Variants in BRCA1 observed in about 807,000 individuals in gnomAD.
BRCA1 encodes the protein breast cancer type 1 susceptibility protein.
A neutral mutation model predicts 173.7 loss-of-function variants in BRCA1; 140 were observed. That is an observed-to-expected ratio of 0.81 (90% CI 0.70 to 0.93). The LOEUF is 0.93. BRCA1 is among the 40% of genes least tolerant of loss of function. The probability of loss-of-function intolerance (pLI) is 0.00; values close to 1 mark genes in which losing one functional copy is unlikely to be tolerated. For missense variants in BRCA1, 1,983 were observed against 2,172.5 expected (o/e 0.91, Z 1.73); for synonymous variants, 662 against 756.0 (o/e 0.88, Z 2.04).
At chr17:43,123,421 G>GC (rs2055682642) in intron 2 of BRCA1, among the ~76,000 whole-genome samples, 2 of 144,678 alleles carry the variant, frequency 1.4e-5, no homozygotes, top group African/African-American at 5.3e-5. Context: ...TGCCATATTG[G>GC]CTCACAGCAA....
intron 1 of BRCA1, among the ~76,000 whole-genome samples, chr17:43,132,307 TGAAAAATGCTGACTCGGTG>T: frequency 6.6e-6 from 1 of 152,244 alleles, no homozygotes; most frequent in African/African-American, 2.4e-5. Flanking sequence ...GAGGGGCCTG[TGAAAAATGCTGACTCGGTG>T]GCAGCTGTCT....
rs1273859752 is a variant in BRCA1 at position 43,099,733 on chromosome 17, C to T, written c.547+42G>A. ...TGGCAAAACTATAAGATAAGGAATC[C>T]AGCAATTATTATTAAATACTTAAAA... is the stretch of plus-strand genomic sequence containing the variant. On this transcript the variant is annotated intron_variant, in intron 7 of 22. Transcript: ENST00000357654. The T allele has an allele frequency of 2.9e-5, 43 of 1,499,114 alleles. No homozygotes were observed. The Middle Eastern group carries it at 5.3e-4, about 19-fold the overall frequency. The allele number at this position is 1,499,114 out of a possible 1,614,324, so 92.9% of individuals were successfully genotyped here.
At chr17:43,149,251 A>T (rs1045793881) in intron 1 of BRCA1, among the ~76,000 whole-genome samples, 1 of 146,098 alleles carries the variant, frequency 6.8e-6, no homozygotes, top group African/African-American at 2.5e-5. Context: ...GGTGCCCGCC[A>T]CCACACCGGG....
chr17:43,089,503 T>G (rs8176159), intron 11 of BRCA1, among the ~76,000 whole-genome samples: 125 of 152,124 alleles, frequency 8.2e-4, no homozygotes, highest in African/African-American at 2.8e-3. Context: ...GGTGACCAAA[T>G]TATTGGCCTT....
At chr17:43,112,328 C>T (rs761700875) in intron 3 of BRCA1, among the ~76,000 whole-genome samples, 89 of 152,090 alleles carry the variant, frequency 5.9e-4, no homozygotes, top group Non-Finnish European at 2.8e-4. Flanking sequence ...CCTCGTGATC[C>T]GCCCACCTCA....
At chr17:43,119,118 A>C (rs968372353) in intron 2 of BRCA1, 3 of 214,810 alleles carry the variant, frequency 1.4e-5, no homozygotes, top group Non-Finnish European at 2.8e-5. Flanking sequence ...AAGAACGACT[A>C]ACCTGGCAGT....
chr17:43,144,455 C>T (rs1229977097), intron 1 of BRCA1, among the ~76,000 whole-genome samples: 2 of 151,966 alleles, frequency 1.3e-5, no homozygotes, highest in African/African-American at 4.8e-5. Flanking sequence ...GAGAGGGCAC[C>T]AAGAACAACG....
At chr17:43,080,813 AG>A (rs571130383) in intron 12 of BRCA1, among the ~76,000 whole-genome samples, 1 of 152,012 alleles carries the variant, frequency 6.6e-6, no homozygotes, top group Non-Finnish European at 1.5e-5. Context: ...CTATAAGGTG[AG>A]GCTCAGGTCG....
chr17:43,060,874 C>T (rs2051719423), intron 18 of BRCA1, among the ~76,000 whole-genome samples: 1 of 152,024 alleles, frequency 6.6e-6, no homozygotes, highest in Non-Finnish European at 1.5e-5. Flanking sequence ...ACCTGTGATC[C>T]CAGCACTTTG....
At chr17:43,065,682 A>G (rs1477074442) in intron 16 of BRCA1, among the ~76,000 whole-genome samples, 1 of 152,196 alleles carries the variant, frequency 6.6e-6, no homozygotes, top group East Asian at 1.9e-4. Context: ...AAACAAAAAC[A>G]AAAACAAAAG....
chr17:43,124,858 G>A (rs1156959095), intron 1 of BRCA1: 4 of 299,160 alleles, frequency 1.3e-5, no homozygotes, highest in Non-Finnish European at 2.6e-5. Flanking sequence ...CCGGGTTCTA[G>A]CGATTCTCCT....
intron 1 of BRCA1, among the ~76,000 whole-genome samples, chr17:43,151,277 A>G (rs143735717): frequency 3.4e-4 from 51 of 152,196 alleles, no homozygotes; most frequent in African/African-American, 1.1e-3. Flanking sequence ...GCTACATAAT[A>G]CTCCATCAAA....
chr17:43,132,330 G>C (rs565579373), intron 1 of BRCA1, among the ~76,000 whole-genome samples: 8 of 152,260 alleles, frequency 5.3e-5, no homozygotes, highest in African/African-American at 1.9e-4. Context: ...CTCGGTGGCA[G>C]CTGTCTTAGC....
chr17:43,169,325 C>T (rs1197311661), intron 1 of BRCA1, among the ~76,000 whole-genome samples: 6 of 152,116 alleles, frequency 3.9e-5, no homozygotes, highest in African/African-American at 1.4e-4. Flanking sequence ...CGCGCCACCA[C>T]GCCCGGCTAA....
upstream of BRCA1, among the ~76,000 whole-genome samples, chr17:43,130,064 G>C (rs1336329103): frequency 6.6e-6 from 1 of 151,956 alleles, no homozygotes; most frequent in Non-Finnish European, 1.5e-5. Context: ...CAGACTTCAG[G>C]GTCCTTAAAA....
intron 2 of BRCA1, among the ~76,000 whole-genome samples, chr17:43,117,181 C>T (rs1453810391): frequency 6.6e-6 from 1 of 152,204 alleles, no homozygotes; most frequent in Non-Finnish European, 1.5e-5. Context: ...GTGCCTCATG[C>T]CTGTAATCCT....
Position 43,063,321 on chromosome 17 carries a change from T to A in BRCA1, c.5193+12A>T, listed in dbSNP as rs2051851343. The A allele has an allele frequency of 6.2e-7, 1 of 1,600,106 alleles. No homozygotes were observed. Among genetic ancestry groups the A allele is most frequent in the Non-Finnish European group, 8.6e-7 (1 of 1,167,344 alleles). ...GAATATCTCTGGTTAGTTTGTAACA[T>A]CAAGTACTTACCTCATTCAGCATTT... On this transcript the variant is annotated intron_variant, in intron 18 of 22. Coordinates refer to ENST00000357654, the MANE Select transcript of BRCA1 (RefSeq NM_007294.4).
rs1006116184 is a variant in BRCA1 at position 43,045,473 on chromosome 17, A to C, written c.*205T>G. On this transcript the variant is annotated 3_prime_UTR_variant, in exon 23 of 23. Transcript: ENST00000357654. ...ATTACCATAATTTTGTGCTCATGGC[A>C]GATTTCCAAGGGAGACTTCAAGCAG... 4.9e-6 allele frequency: 4 copies of C among 814,012 alleles called. No individual in the cohort carries two copies. The Admixed American group carries it at 6.0e-5, about 12-fold the overall frequency. The allele number at this position is 814,012 out of a possible 1,614,324, so 50.4% of individuals were successfully genotyped here.
chr17:43,070,072 T>TATA (rs542693151), intron 15 of BRCA1, among the ~76,000 whole-genome samples: 105 of 152,212 alleles, frequency 6.9e-4, no homozygotes, highest in African/African-American at 2.5e-3. Context: ...TAGCTGGGAT[T>TATA]ATAGGCATGC....
Sources: gnomAD v4.1 joint callset for allele counts (sites outside exome capture counted in the v4.1 genomes callset) on GRCh38, gnomAD v4.1.1 for gene constraint, MANE v1.5 for transcripts, NCBI Gene and HGNC (gene_info 2026-07-23, HGNC 2026-07-21) for gene names.